COLEC10: variants seen among roughly 807,000 people sequenced by gnomAD.
COLEC10 encodes the protein collectin-10.
Under a neutral mutation model 28.4 loss-of-function variants are expected in COLEC10, and 22 were observed. That is an observed-to-expected ratio of 0.78 (90% confidence interval 0.55 to 1.11). The LOEUF is 1.11. Among genes scored for constraint, COLEC10 ranks in the 50% least tolerant of loss-of-function variants. The pLI is 0.00. For synonymous variants in COLEC10, 125 were observed against 116.1 expected (o/e 1.08, Z -0.49); for missense variants, 361 against 344.1 (o/e 1.05, Z -0.39).
At chr8:119,052,177 A>G (rs933664218) in intron 2 of COLEC10, among the ~76,000 whole-genome samples, 3 of 152,200 alleles carry the variant, frequency 2.0e-5, no homozygotes, top group African/African-American at 7.2e-5. Flanking sequence ...TTCATTTGTC[A>G]TGGTGATTGT....
intron 2 of COLEC10, among the ~76,000 whole-genome samples, chr8:119,061,045 TAGAA>T (rs1042836887): frequency 2.0e-5 from 3 of 152,002 alleles, no homozygotes; most frequent in African/African-American, 4.8e-5. Flanking sequence ...GAAGAAAAAT[TAGAA>T]AGACTGAGAT....
intron 1 of COLEC10, chr8:119,009,355 G>A (rs556599099): frequency 2.7e-5 from 4 of 149,962 alleles, no homozygotes; most frequent in South Asian, 4.2e-4. Flanking sequence ...TTTCTCTCCA[G>A]ACTAAGTTCT....
intron 2 of COLEC10, among the ~76,000 whole-genome samples, chr8:119,038,393 G>C (rs1158790606): frequency 6.6e-6 from 1 of 152,224 alleles, no homozygotes; most frequent in African/African-American, 2.4e-5. Flanking sequence ...GGATGGGACA[G>C]TGAATTTAAA....
At chr8:119,010,619 C>T (rs1186533451) in intron 2 of COLEC10, among the ~76,000 whole-genome samples, 2 of 151,106 alleles carry the variant, frequency 1.3e-5, no homozygotes, top group East Asian at 1.9e-4. Flanking sequence ...TGCATTCTCA[C>T]AAGCAATGGA....
intron 2 of COLEC10, among the ~76,000 whole-genome samples, chr8:119,023,425 C>T (rs73709525): frequency 0.015 from 2,335 of 152,080 alleles, 50 homozygotes; most frequent in African/African-American, 0.054. Context: ...AAGCACAGAG[C>T]CTGGCATAGA....
the COLEC10 span, among the ~76,000 whole-genome samples, chr8:118,966,037 T>C: frequency 6.6e-6 from 1 of 152,118 alleles, no homozygotes; most frequent in Admixed American, 6.6e-5. Flanking sequence ...GCAATGGTTT[T>C]ATAAACTAAA....
At chr8:119,008,996 C>T (rs971931231) in intron 1 of COLEC10, among the ~76,000 whole-genome samples, 33 of 150,362 alleles carry the variant, frequency 2.2e-4, no homozygotes, top group Admixed American at 1.5e-3. Flanking sequence ...ACTTAGAATT[C>T]TTAAACACAA....
intron 2 of COLEC10, among the ~76,000 whole-genome samples, chr8:119,061,267 G>T (rs1814850055): frequency 6.6e-6 from 1 of 151,980 alleles, no homozygotes; most frequent in African/African-American, 2.4e-5. Context: ...TTGAGAGACA[G>T]AGATGGGAAC....
chr8:119,071,761 G>A (rs977343512), intron 1 of COLEC10, among the ~76,000 whole-genome samples: 4 of 152,036 alleles, frequency 2.6e-5, no homozygotes, highest in South Asian at 2.1e-4. Flanking sequence ...AAGAGCTCCC[G>A]ACACATAGTG....
intron 1 of COLEC10, among the ~76,000 whole-genome samples, chr8:119,005,552 T>G (rs908399040): frequency 6.6e-6 from 1 of 152,154 alleles, no homozygotes; most frequent in Non-Finnish European, 1.5e-5. Context: ...GGACCAATAG[T>G]TCAGAGATGT....
chr8:119,016,484 CAT>C (rs1417282717), intron 2 of COLEC10, among the ~76,000 whole-genome samples: 1 of 152,124 alleles, frequency 6.6e-6, no homozygotes, highest in Admixed American at 6.5e-5. Context: ...CTGCAATAAA[CAT>C]ATGTGTGCAT....
rs372629869 is a variant in COLEC10, at chr8:119,049,043, C to T, written n.235+39490C>T. ...AGGCTGGTCTTGTTGAAATGTATTCCCTCAGCATTTGTTTGTCTGAGAAGG... is the reference window on the plus strand; with the variant it reads ...AGGCTGGTCTTGTTGAAATGTATTCTCTCAGCATTTGTTTGTCTGAGAAGG... On this transcript the variant is annotated intron_variant and non_coding_transcript_variant, in intron 2 of 6. Coordinates refer to the COLEC10 transcript ENST00000521788. 1.7e-3 allele frequency among the ~76,000 whole-genome samples: 255 copies of T among 152,226 alleles called. 9 individuals carry two copies. In the South Asian group the frequency reaches 0.051, roughly 30 times the overall value.
chr8:118,987,318 C>G, the COLEC10 span, among the ~76,000 whole-genome samples: 1 of 152,260 alleles, frequency 6.6e-6, no homozygotes, highest in Admixed American at 6.5e-5. Context: ...AATCCCAGAA[C>G]TTTGAGAGGC....
At chr8:119,082,891 G>A (rs958625443) in intron 1 of COLEC10, among the ~76,000 whole-genome samples, 5 of 152,176 alleles carry the variant, frequency 3.3e-5, no homozygotes, top group Admixed American at 3.3e-4. Context: ...TGGGCAGGTA[G>A]GGTTAGGTGT....
intron 2 of COLEC10, among the ~76,000 whole-genome samples, chr8:119,043,407 A>G (rs1316776824): frequency 6.6e-6 from 1 of 152,194 alleles, no homozygotes; most frequent in East Asian, 1.9e-4. Flanking sequence ...TGTAACCAAG[A>G]GCAACCAGAC....
chr8:118,975,120 T>C, the COLEC10 span, among the ~76,000 whole-genome samples: 9 of 152,036 alleles, frequency 5.9e-5, no homozygotes, highest in Non-Finnish European at 1.0e-4. Flanking sequence ...GCAATAATGA[T>C]TCAGTAATAA....
chr8:119,032,421 G>T (rs1814304885), intron 2 of COLEC10, among the ~76,000 whole-genome samples: 2 of 152,144 alleles, frequency 1.3e-5, no homozygotes, highest in African/African-American at 2.4e-5. Flanking sequence ...ATCACCAAAA[G>T]GAAAACAGTC....
the COLEC10 span, among the ~76,000 whole-genome samples, chr8:118,965,564 G>C: frequency 6.6e-6 from 1 of 151,936 alleles, no homozygotes; most frequent in Non-Finnish European, 1.5e-5. Context: ...TAAATGCAAA[G>C]GAGGTTGGGA....
intron 1 of COLEC10, 23 bp downstream of exon 1, chr8:119,067,452 T>C: frequency 6.2e-7 from 1 of 1,608,504 alleles, no homozygotes; most frequent in Non-Finnish European, 8.5e-7. Context: ...AACCACAATT[T>C]TCATGTATAA....
Sources: gnomAD v4.1 joint callset for allele counts (sites outside exome capture counted in the v4.1 genomes callset) on GRCh38, gnomAD v4.1.1 for gene constraint, MANE v1.5 for transcripts, NCBI Gene and HGNC (gene_info 2026-07-23, HGNC 2026-07-21) for gene names.